Variants in NUBPL observed in about 807,000 individuals in gnomAD.
NUBPL encodes the protein iron-sulfur cluster transfer protein NUBPL.
NUBPL carries 31 observed loss-of-function variants against 45.7 expected under a neutral mutation model. The observed-to-expected ratio is 0.68, with a 90% confidence interval of 0.51 to 0.92. The LOEUF is 0.92. Ranked by LOEUF, NUBPL falls within the 40% of genes least tolerant of loss-of-function variation. The pLI is 0.00. For synonymous variants in NUBPL, 144 were observed against 140.9 expected (o/e 1.02, Z -0.15); for missense variants, 401 against 398.7 (o/e 1.01, Z -0.05).
intron 10 of NUBPL, 59 bp downstream of exon 10, chr14:31,850,260 A>G: frequency 4.5e-6 from 6 of 1,327,980 alleles, no homozygotes; most frequent in Non-Finnish European, 4.3e-6. Context: ...TGAAATACAG[A>G]AAGAAAGTTG....
intron 4 of NUBPL, among the ~76,000 whole-genome samples, chr14:31,600,622 A>G (rs1047942429): frequency 6.6e-6 from 1 of 152,260 alleles, no homozygotes; most frequent in Non-Finnish European, 1.5e-5. Flanking sequence ...ATAGTGATTC[A>G]GAAAGCAGAC....
At chr14:31,608,452 G>A (rs1214543261) in intron 4 of NUBPL, among the ~76,000 whole-genome samples, 4 of 152,092 alleles carry the variant, frequency 2.6e-5, no homozygotes, top group Non-Finnish European at 4.4e-5. Flanking sequence ...TACTTTGGAG[G>A]CTGAGGCAGG....
At chr14:31,646,307 C>T (rs1315127673) in intron 4 of NUBPL, among the ~76,000 whole-genome samples, 4 of 152,056 alleles carry the variant, frequency 2.6e-5, no homozygotes, top group Admixed American at 2.6e-4. Flanking sequence ...GTACCTCGGC[C>T]TCCCAAGTAG....
At chr14:31,820,838 A>AT (rs57653503) in intron 7 of NUBPL, among the ~76,000 whole-genome samples, 1 of 146,144 alleles carries the variant, frequency 6.8e-6, no homozygotes, top group African/African-American at 2.6e-5. Context: ...AAAAAAAAAA[A>AT]GGCCCAGCGC....
intron 3 of NUBPL, among the ~76,000 whole-genome samples, chr14:31,572,547 C>T (rs2033615565): frequency 6.6e-6 from 1 of 152,150 alleles, no homozygotes; most frequent in Admixed American, 6.5e-5. Context: ...GTTTGCTATA[C>T]GTATGATTGT....
chr14:31,586,331 A>G (rs1481131070), intron 3 of NUBPL, among the ~76,000 whole-genome samples: 1 of 152,190 alleles, frequency 6.6e-6, no homozygotes, highest in African/African-American at 2.4e-5. Context: ...GAGAACAGAG[A>G]GAAATTAATT....
chr14:31,739,340 C>T (rs548366910), intron 6 of NUBPL, among the ~76,000 whole-genome samples: 1 of 151,098 alleles, frequency 6.6e-6, no homozygotes, highest in Non-Finnish European at 1.5e-5. Context: ...CCGCCTTGGC[C>T]TCCCAGAGTG....
chr14:31,856,113 A>T (rs1279351961), intron 10 of NUBPL, among the ~76,000 whole-genome samples: 1 of 152,214 alleles, frequency 6.6e-6, no homozygotes, highest in Non-Finnish European at 1.5e-5. Context: ...AAAGAGGTTT[A>T]TTGGACTTAC....
chr14:31,845,129 A>G (rs1566595368), intron 8 of NUBPL: 1 of 151,872 alleles, frequency 6.6e-6, no homozygotes, highest in Non-Finnish European at 1.5e-5. Context: ...CAAATACTAT[A>G]TTTTTTATCT....
At chr14:31,753,877 C>T (rs777376531) in intron 6 of NUBPL, among the ~76,000 whole-genome samples, 2 of 152,098 alleles carry the variant, frequency 1.3e-5, no homozygotes, top group Non-Finnish European at 2.9e-5. Flanking sequence ...GCCTTCACAC[C>T]ATGGTAAAGC....
intron 4 of NUBPL, among the ~76,000 whole-genome samples, chr14:31,653,792 T>G (rs1280934267): frequency 6.6e-6 from 1 of 152,200 alleles, no homozygotes; most frequent in Non-Finnish European, 1.5e-5. Context: ...CCAGGAAATC[T>G]TCACAATTTA....
At chr14:31,798,727 GC>G (rs1261637232) in intron 7 of NUBPL, among the ~76,000 whole-genome samples, 1 of 132,558 alleles carries the variant, frequency 7.5e-6, no homozygotes, top group African/African-American at 2.8e-5. Context: ...GGGAGGCGGA[GC>G]TTGCAGTGAG....
At chr14:31,701,856 C>G (rs2037348016) in intron 6 of NUBPL, among the ~76,000 whole-genome samples, 1 of 152,174 alleles carries the variant, frequency 6.6e-6, no homozygotes, top group South Asian at 2.1e-4. Context: ...ATAGTTTCAC[C>G]TAATGTCAAG....
chr14:31,694,507 T>A (rs189296509), intron 6 of NUBPL, among the ~76,000 whole-genome samples: 1 of 152,288 alleles, frequency 6.6e-6, no homozygotes, highest in African/African-American at 2.4e-5. Context: ...TACAGCAACA[T>A]ACATACATAC....
intron 7 of NUBPL, among the ~76,000 whole-genome samples, chr14:31,812,082 G>A (rs112267997): frequency 0.073 from 11,175 of 152,230 alleles, 458 homozygotes; most frequent in Non-Finnish European, 0.091. Context: ...CTCCAAATTA[G>A]GCTACATGGG....
At chr14:31,803,787 C>G (rs1251455850) in intron 7 of NUBPL, among the ~76,000 whole-genome samples, 2 of 152,278 alleles carry the variant, frequency 1.3e-5, no homozygotes, top group East Asian at 3.9e-4. Flanking sequence ...AAACTGCATT[C>G]CAGGGTTTCA....
chr14:31,792,521 C>T (rs2039400827), intron 7 of NUBPL, among the ~76,000 whole-genome samples: 1 of 151,742 alleles, frequency 6.6e-6, no homozygotes, highest in Non-Finnish European at 1.5e-5. Context: ...TTTCAGACAC[C>T]CTGGCTGTCT....
chr14:31,847,693 A>T (rs1018794135), intron 9 of NUBPL, among the ~76,000 whole-genome samples: 1 of 152,166 alleles, frequency 6.6e-6, no homozygotes, highest in Non-Finnish European at 1.5e-5. Flanking sequence ...AAAAATTAAG[A>T]TCCCTAGAGA....
At chr14:31,703,040 G>A (rs894591990) in intron 6 of NUBPL, 2 of 152,282 alleles carry the variant, frequency 1.3e-5, no homozygotes, top group African/African-American at 4.8e-5. Flanking sequence ...TAGAGATTTA[G>A]GGTAAGATTT....
Sources: allele counts gnomAD v4.1 joint callset (sites outside exome capture counted in the v4.1 genomes callset), GRCh38; gene constraint gnomAD v4.1.1; transcripts MANE v1.5; gene names NCBI Gene and HGNC (gene_info 2026-07-23, HGNC 2026-07-21).